LOC400499: variants seen among roughly 807,000 people sequenced by gnomAD.
At chr16:11,500,306 G>A in the LOC400499 span, among the ~76,000 whole-genome samples, 1 of 151,930 alleles carries the variant, frequency 6.6e-6, no homozygotes, top group African/African-American at 2.4e-5. Flanking sequence ...TCAGGAGTTC[G>A]AGACCAGCCT....
chr16:11,463,002 G>C, the LOC400499 span, among the ~76,000 whole-genome samples: 1 of 152,082 alleles, frequency 6.6e-6, no homozygotes, highest in African/African-American at 2.4e-5. Context: ...TCTCCACACG[G>C]CAACCAGACA....
the LOC400499 span, among the ~76,000 whole-genome samples, chr16:11,432,773 C>A: frequency 6.6e-6 from 1 of 152,162 alleles, no homozygotes; most frequent in African/African-American, 2.4e-5. Context: ...CAGCTGTGGA[C>A]TGTGTGTGTG....
At chr16:11,457,556 G>A in the LOC400499 span, among the ~76,000 whole-genome samples, 4 of 143,708 alleles carry the variant, frequency 2.8e-5, no homozygotes, top group African/African-American at 5.3e-5. Context: ...TCGCACCACT[G>A]CACTCCAGCC....
At chr16:11,520,793 A>G in the LOC400499 span, among the ~76,000 whole-genome samples, 2 of 150,830 alleles carry the variant, frequency 1.3e-5, no homozygotes, top group Non-Finnish European at 2.9e-5. Flanking sequence ...TGTTTGGTTT[A>G]TGAAAATTCC....
At chr16:11,447,636 A>G in the LOC400499 span, among the ~76,000 whole-genome samples, 1 of 152,058 alleles carries the variant, frequency 6.6e-6, no homozygotes, top group Non-Finnish European at 1.5e-5. Flanking sequence ...CCCTGCACAC[A>G]GGGAACTGTT....
chr16:11,410,100 C>G, the LOC400499 span, among the ~76,000 whole-genome samples: 23 of 152,238 alleles, frequency 1.5e-4, no homozygotes, highest in African/African-American at 5.5e-4. Flanking sequence ...GCTATGATCA[C>G]GTCACCACAC....
At chr16:11,463,966 G>C in the LOC400499 span, among the ~76,000 whole-genome samples, 132 of 152,232 alleles carry the variant, frequency 8.7e-4, 2 homozygotes, top group African/African-American at 3.0e-3. Context: ...CATGTGAAAA[G>C]ATATGTATAT....
At chr16:11,390,986 C>A in the LOC400499 span, among the ~76,000 whole-genome samples, 2 of 152,244 alleles carry the variant, frequency 1.3e-5, no homozygotes, top group African/African-American at 4.8e-5. Flanking sequence ...TCCGCCCCAG[C>A]CCCCTTCCCT....
chr16:11,404,733 G>A, the LOC400499 span: 1 of 399,028 alleles, frequency 2.5e-6, no homozygotes, highest in Non-Finnish European at 4.4e-6. Flanking sequence ...GGTGGGCTTG[G>A]GGAAAGGCCC....
chr16:11,393,699 C>G, the LOC400499 span: 7 of 614,358 alleles, frequency 1.1e-5, no homozygotes, highest in Non-Finnish European at 1.6e-5. Flanking sequence ...AGGCACAATG[C>G]CCACGCCCGA....
At chr16:11,398,648 C>T in the LOC400499 span, 1 of 584,852 alleles carries the variant, frequency 1.7e-6, no homozygotes, top group Non-Finnish European at 2.5e-6. Context: ...ACAGCACCCC[C>T]TTACACTCTG....
chr16:11,447,483 C>T, the LOC400499 span, among the ~76,000 whole-genome samples: 4 of 152,250 alleles, frequency 2.6e-5, no homozygotes, highest in Non-Finnish European at 5.9e-5. Context: ...AAAACACGAA[C>T]GAACACTCTG....
chr16:11,396,643 G>T, the LOC400499 span: 3 of 1,232,044 alleles, frequency 2.4e-6, no homozygotes, highest in Admixed American at 4.2e-5. Context: ...GTCCACCCTG[G>T]CCCAGGGTGT....
chr16:11,420,194 C>A, the LOC400499 span, among the ~76,000 whole-genome samples: 1 of 151,108 alleles, frequency 6.6e-6, no homozygotes, highest in Non-Finnish European at 1.5e-5. Flanking sequence ...GGAACCAACC[C>A]AAATGTCCAA....
chr16:11,489,864 T>C, the LOC400499 span, among the ~76,000 whole-genome samples: 1 of 152,240 alleles, frequency 6.6e-6, no homozygotes, highest in Admixed American at 6.5e-5. Flanking sequence ...TGGCAACTTA[T>C]CTTCTGGGAA....
the LOC400499 span, chr16:11,487,393 G>C: frequency 2.5e-6 from 1 of 399,038 alleles, no homozygotes; most frequent in Admixed American, 4.4e-5. Flanking sequence ...GACACTAGGA[G>C]TAAGACAAGA....
chr16:11,468,027 G>T, the LOC400499 span, among the ~76,000 whole-genome samples: 1 of 152,068 alleles, frequency 6.6e-6, no homozygotes, highest in Admixed American at 6.6e-5. Flanking sequence ...GGAGCTCTGG[G>T]GGCTTCTAGA....
chr16:11,410,543 G>A, the LOC400499 span, among the ~76,000 whole-genome samples: 1 of 152,224 alleles, frequency 6.6e-6, no homozygotes, highest in South Asian at 2.1e-4. Flanking sequence ...CCAAAATCAC[G>A]TGTAAATGCG....
At chr16:11,434,484 T>C in the LOC400499 span, among the ~76,000 whole-genome samples, 5 of 152,170 alleles carry the variant, frequency 3.3e-5, no homozygotes, top group African/African-American at 1.2e-4. Context: ...GGTCTGATGC[T>C]ACCTCCAGGT....
Sources: allele counts gnomAD v4.1 joint callset (sites outside exome capture counted in the v4.1 genomes callset), GRCh38; gene constraint gnomAD v4.1.1; transcripts MANE v1.5.